The following TMEM132D variants were observed in gnomAD, a reference collection of about 807,000 sequenced individuals.
TMEM132D encodes the protein transmembrane protein 132D.
A neutral mutation model predicts 62.3 loss-of-function variants in TMEM132D; 21 were observed. The ratio of observed to expected loss-of-function variants is 0.34; its 90% CI spans 0.24 to 0.49. The LOEUF (loss-of-function observed/expected upper bound fraction) is 0.49. Ranked by LOEUF, TMEM132D falls within the 20% of genes least tolerant of loss-of-function variation. The pLI is 0.99. For missense variants in TMEM132D, 1,346 were observed against 1,402.8 expected (o/e 0.96, Z 0.65); for synonymous variants, 621 against 575.6 (o/e 1.08, Z -1.13).
At chr12:129,515,681 C>G (rs1047261526) in intron 3 of TMEM132D, among the ~76,000 whole-genome samples, 1 of 152,142 alleles carries the variant, frequency 6.6e-6, no homozygotes, top group Non-Finnish European at 1.5e-5. Flanking sequence ...AGGGGTCCTG[C>G]CCTATATCTG....
chr12:129,107,340 TATTAAG>T (rs558059986), intron 5 of TMEM132D, among the ~76,000 whole-genome samples: 134 of 152,368 alleles, frequency 8.8e-4, no homozygotes, highest in Admixed American at 1.8e-3. Flanking sequence ...AAGGTAATTT[TATTAAG>T]ATTAATATAA....
intron 1 of TMEM132D, among the ~76,000 whole-genome samples, chr12:129,878,935 A>G (rs553573332): frequency 5.3e-5 from 8 of 152,112 alleles, no homozygotes; most frequent in Non-Finnish European, 8.8e-5. Context: ...TGGAAACACC[A>G]TCTCCTCCCT....
At chr12:129,281,368 GT>G (rs1881141875) in intron 4 of TMEM132D, among the ~76,000 whole-genome samples, 2 of 150,486 alleles carry the variant, frequency 1.3e-5, no homozygotes, top group South Asian at 4.2e-4. Flanking sequence ...TATGTTTCAG[GT>G]TTTTTTGTTT....
intron 5 of TMEM132D, among the ~76,000 whole-genome samples, chr12:129,143,281 G>A (rs1054788386): frequency 6.6e-6 from 1 of 152,112 alleles, no homozygotes; most frequent in African/African-American, 2.4e-5. Flanking sequence ...TACATTTACC[G>A]GGATATTATA....
At chr12:129,137,131 CACCATCACTATCATTGT>C (rs1384816582) in intron 5 of TMEM132D, among the ~76,000 whole-genome samples, 5 of 147,138 alleles carry the variant, frequency 3.4e-5, no homozygotes, top group Non-Finnish European at 6.0e-5. Context: ...CCATCATCAT[CACCATCACTATCATTGT>C]CATCACTATC....
chr12:129,617,384 C>T (rs541411952), intron 2 of TMEM132D, among the ~76,000 whole-genome samples: 7 of 152,230 alleles, frequency 4.6e-5, no homozygotes, highest in Admixed American at 3.9e-4. Flanking sequence ...CAGCTTCTCA[C>T]TTCACCTCCC....
intron 2 of TMEM132D, among the ~76,000 whole-genome samples, chr12:129,680,297 C>CT (rs1227255975): frequency 3.9e-5 from 6 of 152,118 alleles, no homozygotes; most frequent in Non-Finnish European, 7.4e-5. Flanking sequence ...TGGATGATCT[C>CT]TTTTTTTATT....
intron 5 of TMEM132D, among the ~76,000 whole-genome samples, chr12:129,207,815 C>T (rs1335319057): frequency 2.0e-5 from 3 of 152,116 alleles, no homozygotes; most frequent in Admixed American, 6.5e-5. Context: ...TTGGGGTCCA[C>T]GTGGCCATTT....
At chr12:129,321,769 C>G (rs1291371104) in intron 4 of TMEM132D, among the ~76,000 whole-genome samples, 2 of 152,120 alleles carry the variant, frequency 1.3e-5, no homozygotes, top group African/African-American at 4.8e-5. Context: ...CCGTGTTAGC[C>G]AGGGTGGTCT....
intron 5 of TMEM132D, among the ~76,000 whole-genome samples, chr12:129,198,491 AC>A (rs754964668): frequency 1.8e-4 from 28 of 152,376 alleles, no homozygotes; most frequent in Non-Finnish European, 2.4e-4. Flanking sequence ...CATTAAAAAA[AC>A]ATTGTATCAT....
At chr12:129,565,366 A>G (rs155702) in intron 2 of TMEM132D, among the ~76,000 whole-genome samples, 113,916 of 152,060 alleles carry the variant, frequency 0.75, 42,918 homozygotes, top group African/African-American at 0.8. Context: ...CCCAATAAAA[A>G]CCACAGGAAA....
chr12:129,463,179 G>A (rs543880186), intron 3 of TMEM132D, among the ~76,000 whole-genome samples: 1 of 152,308 alleles, frequency 6.6e-6, no homozygotes, highest in South Asian at 2.1e-4. Flanking sequence ...ATGAGCTTCT[G>A]AATAAGTGTA....
intron 3 of TMEM132D, among the ~76,000 whole-genome samples, chr12:129,528,786 C>G (rs569617219): frequency 2.9e-4 from 44 of 152,310 alleles, no homozygotes; most frequent in Non-Finnish European, 3.1e-4. Flanking sequence ...CACTGTGTGC[C>G]AGACACTGCT....
chr12:129,490,420 TTC>T (rs763420087), intron 3 of TMEM132D, among the ~76,000 whole-genome samples: 1 of 109,186 alleles, frequency 9.2e-6, no homozygotes, highest in African/African-American at 4.3e-5. Flanking sequence ...ATAATTTCCT[TTC>T]CTTTTTTTTT....
chr12:129,081,485 A>AGAT (rs1217437104), intron 7 of TMEM132D, among the ~76,000 whole-genome samples: 1 of 152,118 alleles, frequency 6.6e-6, no homozygotes, highest in Non-Finnish European at 1.5e-5. Context: ...TTTTTGGTAG[A>AGAT]GATGGGGTTT....
chr12:129,102,210 G>GT (rs1216391275), intron 5 of TMEM132D, among the ~76,000 whole-genome samples: 3 of 152,186 alleles, frequency 2.0e-5, no homozygotes, highest in Non-Finnish European at 2.9e-5. Context: ...AATCAGGCCA[G>GT]TGAACTGGCA....
At chr12:129,862,441 G>A (rs1172265115) in intron 1 of TMEM132D, among the ~76,000 whole-genome samples, 6 of 152,176 alleles carry the variant, frequency 3.9e-5, no homozygotes, top group Non-Finnish European at 7.3e-5. Flanking sequence ...CACTGCACAG[G>A]TGTCTCTCTG....
chr12:129,419,642 T>G (rs1348697891), intron 3 of TMEM132D, among the ~76,000 whole-genome samples: 1 of 152,232 alleles, frequency 6.6e-6, no homozygotes, highest in Non-Finnish European at 1.5e-5. Flanking sequence ...TCTTTATGGC[T>G]AATCTGCCTC....
At chr12:129,897,057 C>T (rs539470971) in intron 1 of TMEM132D, among the ~76,000 whole-genome samples, 22 of 152,292 alleles carry the variant, frequency 1.4e-4, no homozygotes, top group South Asian at 4.2e-4. Context: ...ACAGAGGTGA[C>T]GGAAGCACCT....
Sources: allele counts gnomAD v4.1 joint callset (sites outside exome capture counted in the v4.1 genomes callset), GRCh38; gene constraint gnomAD v4.1.1; transcripts MANE v1.5; gene names NCBI Gene and HGNC (gene_info 2026-07-23, HGNC 2026-07-21).